Variants in DPYD observed in about 807,000 individuals in gnomAD.
DPYD encodes dihydropyrimidine dehydrogenase [NADP(+)].
A neutral mutation model predicts 116.2 loss-of-function variants in DPYD; 109 were observed. The ratio of observed to expected loss-of-function variants is 0.94; its 90% CI spans 0.80 to 1.10. DPYD has a LOEUF of 1.10. Ranked by LOEUF, DPYD falls within the 50% of genes least tolerant of loss-of-function variation. The probability of loss-of-function intolerance (pLI) is 0.00; values close to 1 mark genes in which losing one functional copy is unlikely to be tolerated. For missense variants in DPYD, 1,302 were observed against 1,254.5 expected, an observed-to-expected ratio of 1.04 and a Z score of -0.57; for synonymous variants, 440 against 432.0, an observed-to-expected ratio of 1.02 and a Z score of -0.23.
intron 13 of DPYD, among the ~76,000 whole-genome samples, chr1:97,498,225 T>C (rs1294441895): frequency 6.6e-6 from 1 of 151,608 alleles, no homozygotes; most frequent in African/African-American, 2.4e-5. Flanking sequence ...ATAGAAATGT[T>C]TTGAAATTAG....
chr1:97,094,861 C>T (rs985527860), intron 21 of DPYD, among the ~76,000 whole-genome samples: 3 of 152,052 alleles, frequency 2.0e-5, no homozygotes, highest in African/African-American at 7.2e-5. Context: ...CTACTTTCCC[C>T]AACCTGTTCT....
rs541968829 is a variant in DPYD, at chr1:97,568,582, C to A, written c.1339+5178G>T. Among the ~76,000 whole-genome samples, 3 of 152,034 alleles carry A rather than the reference C, an allele frequency of 2.0e-5. No individual in the cohort carries two copies. The South Asian group carries it at 6.2e-4, about 32-fold the overall frequency. Reference sequence around the variant, plus strand: ...GAGACCCCACTCTCAGCCAATATACCAGATAGACTCTAATTAGTGTAATAT... The same window carrying A: ...GAGACCCCACTCTCAGCCAATATACAAGATAGACTCTAATTAGTGTAATAT... On this transcript the variant is annotated intron_variant, in intron 11 of 22. Coordinates refer to ENST00000370192, the MANE Select transcript of DPYD (RefSeq NM_000110.4).
At chr1:97,343,403 TATC>T (rs1326118137) in intron 16 of DPYD, among the ~76,000 whole-genome samples, 1 of 152,136 alleles carries the variant, frequency 6.6e-6, no homozygotes, top group Non-Finnish European at 1.5e-5. Context: ...GCATGTGTAT[TATC>T]ATTATTTTAA....
chr1:97,659,241 G>T (rs946701370), intron 8 of DPYD, among the ~76,000 whole-genome samples: 3 of 152,132 alleles, frequency 2.0e-5, no homozygotes, highest in African/African-American at 7.2e-5. Flanking sequence ...TTCATTGAAT[G>T]CGTAATAACA....
chr1:97,425,547 T>A (rs1243881335), intron 14 of DPYD, among the ~76,000 whole-genome samples: 1 of 152,098 alleles, frequency 6.6e-6, no homozygotes, highest in East Asian at 1.9e-4. Context: ...ACCCAGCACT[T>A]CATTACTCCA....
intron 3 of DPYD, among the ~76,000 whole-genome samples, chr1:97,802,234 CT>C (rs1667880713): frequency 6.6e-6 from 1 of 151,844 alleles, no homozygotes; most frequent in Non-Finnish European, 1.5e-5. Flanking sequence ...CTAGCAAATT[CT>C]TTCAGGTTTT....
intron 3 of DPYD, among the ~76,000 whole-genome samples, chr1:97,762,810 C>T (rs1665649999): frequency 6.6e-6 from 1 of 151,994 alleles, no homozygotes; most frequent in Admixed American, 6.6e-5. Flanking sequence ...GCTCACACTC[C>T]CGAAATAGGG....
intron 12 of DPYD, chr1:97,546,651 T>C (rs756193070): frequency 3.7e-6 from 6 of 1,612,618 alleles, no homozygotes; most frequent in East Asian, 2.2e-5. Context: ...ACATTGCAGA[T>C]AGGAAGGAGC....
intron 5 of DPYD, 116 bp downstream of exon 5, chr1:97,721,394 C>A (rs1662914662): frequency 1.6e-6 from 2 of 1,240,138 alleles, no homozygotes; most frequent in South Asian, 2.7e-5. Context: ...CATACTTGAG[C>A]TGTGTGTCAC....
chr1:97,538,828 G>A (rs1650208717), intron 12 of DPYD, among the ~76,000 whole-genome samples: 1 of 152,194 alleles, frequency 6.6e-6, no homozygotes, highest in Non-Finnish European at 1.5e-5. Flanking sequence ...ATATTTGTGT[G>A]TGTGTCTTGT....
At chr1:97,439,013 G>T (rs529562042) in intron 14 of DPYD, among the ~76,000 whole-genome samples, 1 of 152,162 alleles carries the variant, frequency 6.6e-6, no homozygotes, top group East Asian at 1.9e-4. Flanking sequence ...TGTAGGCTTT[G>T]TTGTACATAC....
chr1:97,263,737 T>A (rs970020404), intron 18 of DPYD, among the ~76,000 whole-genome samples: 1 of 152,130 alleles, frequency 6.6e-6, no homozygotes, highest in African/African-American at 2.4e-5. Flanking sequence ...CTTTTATTCC[T>A]CATTAGATAT....
intron 11 of DPYD, among the ~76,000 whole-genome samples, chr1:97,558,094 A>G (rs1299085140): frequency 1.3e-5 from 2 of 152,212 alleles, no homozygotes. Context: ...AGACAGGAAC[A>G]GCAAAGAATT....
chr1:97,484,881 C>A (rs1303500869), intron 13 of DPYD, among the ~76,000 whole-genome samples: 1 of 152,146 alleles, frequency 6.6e-6, no homozygotes, highest in Non-Finnish European at 1.5e-5. Context: ...TTTTTCCGCT[C>A]ACTGTATTCA....
In DPYD at chr1:97,917,215, T is replaced by C. The variant is rs568364834; in HGVS notation, c.39+3669A>G. 7.2e-5 allele frequency among the ~76,000 whole-genome samples: 11 copies of C among 152,296 alleles called. No individual in the cohort carries two copies. The East Asian group carries it at 1.9e-3, about 27-fold the overall frequency. ...GATGCTTACACATTCAGTAAAAATA[T>C]ATCCATTTAAATCAATAAACAACTC... On this transcript the variant is annotated intron_variant, in intron 1 of 22. Transcript: ENST00000370192.
At chr1:97,669,615 T>C (rs993244882) in intron 8 of DPYD, among the ~76,000 whole-genome samples, 3 of 152,178 alleles carry the variant, frequency 2.0e-5, no homozygotes, top group Admixed American at 2.0e-4. Context: ...TATACAGGTG[T>C]TAAGCACTTA....
chr1:97,775,723 T>C lies in DPYD; in HGVS notation c.234-35244A>G, dbSNP rs796163375. On this transcript the variant is annotated intron_variant, in intron 3 of 22. Coordinates refer to ENST00000370192, the MANE Select transcript of DPYD (RefSeq NM_000110.4). Reference sequence around the variant, plus strand: ...CTTCCTCCTCAGGATGTCATCTTTGTGAGAGCAGGTGCAATGTTTGCTTTG... The same window carrying C: ...CTTCCTCCTCAGGATGTCATCTTTGCGAGAGCAGGTGCAATGTTTGCTTTG... 3.9e-5 allele frequency among the ~76,000 whole-genome samples: 6 copies of C among 152,272 alleles called. No individual in the cohort carries two copies. In the South Asian group the frequency reaches 1.2e-3, roughly 32 times the overall value.
At chr1:97,173,556 A>T (rs187166179) in intron 20 of DPYD, among the ~76,000 whole-genome samples, 2 of 148,162 alleles carry the variant, frequency 1.3e-5, no homozygotes, top group Admixed American at 6.8e-5. Flanking sequence ...GTTTATTACT[A>T]TTTTTTTTTT....
intron 14 of DPYD, among the ~76,000 whole-genome samples, chr1:97,389,288 G>A (rs1672535378): frequency 2.1e-5 from 3 of 142,842 alleles, no homozygotes; most frequent in South Asian, 2.4e-4. Flanking sequence ...CAGCCTGGGC[G>A]ACAGAATGAG....
Sources: allele counts gnomAD v4.1 joint callset (sites outside exome capture counted in the v4.1 genomes callset), GRCh38; gene constraint gnomAD v4.1.1; transcripts MANE v1.5; gene names NCBI Gene and HGNC (gene_info 2026-07-23, HGNC 2026-07-21).